Variants in CFAP47 observed in about 807,000 individuals in gnomAD.
CFAP47 encodes cilia and flagella associated protein 47, also known as cilia- and flagella-associated protein 47.
In CFAP47, 29 loss-of-function variants were observed where a neutral mutation model predicts 148.1. That is an observed-to-expected ratio of 0.20 (90% CI 0.15 to 0.27). CFAP47 has a LOEUF of 0.27. Ranked by LOEUF, CFAP47 falls within the 10% of genes least tolerant of loss-of-function variation. CFAP47 has a pLI of 1.00. For missense variants in CFAP47, 1,872 were observed against 1,697.5 expected (o/e 1.10, Z -1.81); for synonymous variants, 664 against 577.3 (o/e 1.15, Z -2.15).
rs1938343760 is a variant in CFAP47, at chrX:36,099,853, A to G, written c.5101A>G (p.Thr1701Ala). ...TGAAGCCTGGAGTAAACGGGCATGG[A>G]CAGATGTATTTCTACAGATATACAA... ...KFEAWSKRAW[T>A]DVFLQIYKVL... The change falls in exon 32 of 64, where the codon ACA (threonine) becomes GCA (alanine). Residue 1701 changes from threonine to alanine, a missense_variant. By Grantham distance (58) the Thr-to-Ala change is moderately conservative. Transcript: ENST00000378653. 15 of 989,083 alleles carry G rather than the reference A, an allele frequency of 1.5e-5. No individual in the cohort carries two copies. The highest frequency in any genetic ancestry group is 2.6e-4 in the Middle Eastern group (1 of 3,879). 81.5% of individuals were successfully genotyped at this position (989,083 alleles called of 1,213,427 possible).
rs747834182 is a variant in CFAP47 at position 36,071,831 on chromosome X, A to T, written c.4325A>T (p.Asp1442Val). 1 of 1,205,227 alleles carries T rather than the reference A, an allele frequency of 8.3e-7. No individual in the cohort carries two copies. Among genetic ancestry groups the T allele is most frequent in the East Asian group, 3.0e-5 (1 of 33,727 alleles). Reference protein sequence around the residue: ...KQNIILKNDKDEYLKKTRDGV... With the variant: ...KQNIILKNDKVEYLKKTRDGV... ...TCCAATGTGTCATTTGTAGATAAGG[A>T]TGAATATCTTAAGAAGACTAGAGAT... The change falls in exon 28 of 64, where the codon GAT becomes GTT. Residue 1442 changes from aspartate to valine, a missense_variant. Physicochemically the swap from Asp to Val is radical, Grantham distance 152. Coordinates refer to ENST00000378653, the MANE Select transcript of CFAP47 (RefSeq NM_001304548.2).
At chrX:36,304,182 G>A (rs147015825) in intron 54 of CFAP47, among the ~76,000 whole-genome samples, 5,266 of 110,828 alleles carry the variant, frequency 0.048, 301 homozygotes, top group African/African-American at 0.16. Context: ...AGGAGTTTGA[G>A]ACCAGCCTGC....
intron 33 of CFAP47, among the ~76,000 whole-genome samples, chrX:36,113,096 G>A (rs767533745): frequency 6.1e-4 from 68 of 111,778 alleles, no homozygotes; most frequent in Middle Eastern, 4.8e-3. Flanking sequence ...TTACATTCAA[G>A]GTTAGTATTG....
At chrX:36,270,511 G>T (rs1569304803) in intron 49 of CFAP47, among the ~76,000 whole-genome samples, 1 of 100,967 alleles carries the variant, frequency 9.9e-6, no homozygotes, top group African/African-American at 3.7e-5. Context: ...CCCCCATTGG[G>T]TTTTTTTTAT....
rs925948406 is a variant in CFAP47, at chrX:36,341,516, T to C, written c.8444-6613T>C. 1.8e-5 allele frequency among the ~76,000 whole-genome samples: 2 copies of C among 111,481 alleles called. 1 individual carries two copies. Among genetic ancestry groups the C allele is most frequent in the East Asian group, 5.6e-4 (2 of 3,562 alleles). Reference sequence around the variant, plus strand: ...AATTTTATTACTAAAATTAGGGTTATGTTCACTTTACTATCTTGAGAAAAT... The same window carrying C: ...AATTTTATTACTAAAATTAGGGTTACGTTCACTTTACTATCTTGAGAAAAT... On this transcript the variant is annotated intron_variant, in intron 57 of 63. Transcript: ENST00000378653.
At chrX:36,263,707 G>T (rs1203132750) in intron 49 of CFAP47, among the ~76,000 whole-genome samples, 1 of 111,700 alleles carries the variant, frequency 9.0e-6, no homozygotes, top group Non-Finnish European at 1.9e-5. Flanking sequence ...TGCCCAGGGC[G>T]AGTCCAGAAA....
At position 36,018,023 on chromosome X, in the gene CFAP47, C is replaced by T. The variant is rs757303803; in HGVS notation, c.3556+3111C>T. Among the ~76,000 whole-genome samples, 76 of 110,393 alleles carry T rather than the reference C, an allele frequency of 6.9e-4. 1 individual carries two copies. The highest frequency in any genetic ancestry group is 9.4e-3 in the Middle Eastern group (2 of 212). On this transcript the variant is annotated intron_variant, in intron 22 of 63. Coordinates refer to ENST00000378653, the MANE Select transcript of CFAP47 (RefSeq NM_001304548.2). Reference sequence around the variant, plus strand: ...CGTGAAATATCATCCCTTTTTTTGGCGTCCTCTTCAATTTCTTTCATTAAT... The same window carrying T: ...CGTGAAATATCATCCCTTTTTTTGGTGTCCTCTTCAATTTCTTTCATTAAT...
At chrX:36,223,987 A>G (rs781960366) in intron 45 of CFAP47, among the ~76,000 whole-genome samples, 1 of 111,280 alleles carries the variant, frequency 9.0e-6, no homozygotes, top group East Asian at 2.8e-4. Context: ...ACCTCCCTGT[A>G]TCTAAAATAA....
intron 21 of CFAP47, among the ~76,000 whole-genome samples, chrX:36,013,582 T>TA (rs1194403110): frequency 9.1e-6 from 1 of 110,334 alleles, no homozygotes; most frequent in Non-Finnish European, 1.9e-5. Context: ...GAGGGGGAGG[T>TA]ATCGATGGTT....
At chrX:36,345,232 G>A (rs782142741) in intron 57 of CFAP47, among the ~76,000 whole-genome samples, 125 of 111,396 alleles carry the variant, frequency 1.1e-3, no homozygotes, top group Middle Eastern at 4.7e-3. Context: ...AAACAAAGTT[G>A]AAGATAATTG....
At chrX:36,304,975 A>G (rs180881147) in intron 54 of CFAP47, among the ~76,000 whole-genome samples, 717 of 112,288 alleles carry the variant, frequency 6.4e-3, no homozygotes, top group African/African-American at 0.022. Context: ...AGGGACTTCA[A>G]AGTAAATCAT....
chrX:36,172,287 T>C (rs1287140856), intron 39 of CFAP47, among the ~76,000 whole-genome samples: 1 of 103,973 alleles, frequency 9.6e-6, no homozygotes, highest in Non-Finnish European at 2.0e-5. Flanking sequence ...GAATACCCTT[T>C]ATTTCCTTCT....
chrX:36,167,337 G>A (rs1299643786), intron 39 of CFAP47, among the ~76,000 whole-genome samples: 2 of 111,790 alleles, frequency 1.8e-5, no homozygotes, highest in Non-Finnish European at 3.8e-5. Context: ...TGACTCTAGA[G>A]CTAGGGGTGG....
intron 33 of CFAP47, among the ~76,000 whole-genome samples, chrX:36,136,060 G>T: frequency 9.0e-6 from 1 of 110,802 alleles, no homozygotes; most frequent in Non-Finnish European, 1.9e-5. Flanking sequence ...ACATACTAGG[G>T]TTTAACCAAT....
chrX:36,013,728 AAAT>A (rs1449792798), intron 21 of CFAP47, among the ~76,000 whole-genome samples: 1 of 112,147 alleles, frequency 8.9e-6, no homozygotes, highest in African/African-American at 3.2e-5. Context: ...CATATAAGTG[AAAT>A]CATAAGGTAT....
At chrX:36,232,528 T>C (rs371781419) in intron 46 of CFAP47, among the ~76,000 whole-genome samples, 20 of 111,783 alleles carry the variant, frequency 1.8e-4, no homozygotes, top group South Asian at 1.1e-3. Flanking sequence ...GTCTTGCTAG[T>C]GGTCTATCAA....
chrX:36,257,768 G>A (rs1555999230), intron 49 of CFAP47, among the ~76,000 whole-genome samples: 1 of 111,529 alleles, frequency 9.0e-6, no homozygotes, highest in East Asian at 2.8e-4. Context: ...ACTTACAGTG[G>A]CAAGTCTTTG....
chrX:36,030,962 T>A (rs1937272270), intron 22 of CFAP47, among the ~76,000 whole-genome samples: 1 of 110,734 alleles, frequency 9.0e-6, no homozygotes, highest in African/African-American at 3.3e-5. Flanking sequence ...CTCTGTTTAC[T>A]TTTTTCTTAG....
intron 35 of CFAP47, chrX:36,144,931 T>G: frequency 1.2e-6 from 1 of 835,198 alleles, no homozygotes; most frequent in South Asian, 2.7e-5. Context: ...ATTTGGGACT[T>G]GGCCTGAGCC....
Sources: gnomAD v4.1 joint callset for allele counts (sites outside exome capture counted in the v4.1 genomes callset) on GRCh38, gnomAD v4.1.1 for gene constraint, MANE v1.5 for transcripts, NCBI Gene and HGNC (gene_info 2026-07-23, HGNC 2026-07-21) for gene names.